Variants in FCHSD2 observed in about 807,000 individuals in gnomAD.
FCHSD2 encodes FCH and double SH3 domains 2.
A neutral mutation model predicts 108.1 loss-of-function variants in FCHSD2; 38 were observed. The observed-to-expected ratio is 0.35, with a 90% CI of 0.27 to 0.46. FCHSD2 has a LOEUF of 0.46. Among genes scored for constraint, FCHSD2 ranks in the 20% least tolerant of loss-of-function variants. The pLI, the probability that FCHSD2 is intolerant of heterozygous loss-of-function variation, is 1.00. For missense variants in FCHSD2, 751 were observed against 897.8 expected (o/e 0.84, Z 2.09); for synonymous variants, 279 against 314.7 (o/e 0.89, Z 1.20).
At chr11:72,993,868 T>C (rs186791855) in intron 5 of FCHSD2, among the ~76,000 whole-genome samples, 249 of 152,246 alleles carry the variant, frequency 1.6e-3, no homozygotes, top group Non-Finnish European at 2.7e-3. Flanking sequence ...GTAACTAACC[T>C]GCACGTTGTG....
intron 12 of FCHSD2, among the ~76,000 whole-genome samples, chr11:72,879,362 A>G (rs921587871): frequency 2.0e-5 from 3 of 152,226 alleles, no homozygotes; most frequent in Non-Finnish European, 4.4e-5. Context: ...CTTAATAACC[A>G]AACAGTCACT....
chr11:72,973,271 G>A (rs920610592), intron 8 of FCHSD2, among the ~76,000 whole-genome samples: 2 of 151,962 alleles, frequency 1.3e-5, no homozygotes, highest in African/African-American at 4.8e-5. Context: ...GGAGGCTGAG[G>A]CAGGAGAATC....
At chr11:72,873,911 A>T (rs1013001267) in intron 12 of FCHSD2, among the ~76,000 whole-genome samples, 1 of 152,194 alleles carries the variant, frequency 6.6e-6, no homozygotes, top group Non-Finnish European at 1.5e-5. Context: ...CCTTCTAACT[A>T]GAAACCTTCC....
At chr11:73,115,450 C>T (rs1399708723) in intron 2 of FCHSD2, among the ~76,000 whole-genome samples, 1 of 152,290 alleles carries the variant, frequency 6.6e-6, no homozygotes. Flanking sequence ...GCCACTGCGC[C>T]CGCCCTATCT....
chr11:72,916,724 CTCA>C (rs1452725309), intron 9 of FCHSD2, among the ~76,000 whole-genome samples: 2 of 152,186 alleles, frequency 1.3e-5, no homozygotes, highest in African/African-American at 2.4e-5. Flanking sequence ...AATATTTTCT[CTCA>C]TCATTTGGGT....
At chr11:72,957,986 T>C (rs1458126330) in intron 8 of FCHSD2, among the ~76,000 whole-genome samples, 4 of 152,234 alleles carry the variant, frequency 2.6e-5, no homozygotes, top group Non-Finnish European at 5.9e-5. Context: ...TTCATTTCTA[T>C]TGAATGATAA....
At position 72,989,059 on chromosome 11, in the gene FCHSD2, T is replaced by C; in HGVS notation, c.426A>G (p.Gln142=). ...CTTTAGCTAAATCTTTCACTGTCTC[T>C]TGTAATTCAGTTTGGATCTTTGTCA... ...DQLTKIQTEL[Q]ETVKDLAKGK... Residue 142 remains glutamine, a synonymous_variant, in exon 6 of 20, where the codon CAA becomes CAG. Transcript: ENST00000409418. The C allele has an allele frequency of 1.2e-6, 2 of 1,609,140 alleles. No individual in the cohort carries two copies. The highest frequency in any genetic ancestry group is 2.2e-5 in the East Asian group (1 of 44,852).
chr11:73,005,113 C>T (rs1857712199), intron 4 of FCHSD2, among the ~76,000 whole-genome samples: 1 of 152,222 alleles, frequency 6.6e-6, no homozygotes, highest in South Asian at 2.1e-4. Flanking sequence ...TTTTCCATCT[C>T]TACTGGAGCA....
intron 2 of FCHSD2, among the ~76,000 whole-genome samples, chr11:73,110,837 G>A (rs554341708): frequency 7.9e-5 from 12 of 151,986 alleles, no homozygotes; most frequent in South Asian, 2.1e-4. Flanking sequence ...TACTGCTGTC[G>A]TTGTATCTCA....
rs1857862363 is a variant in FCHSD2 at position 73,011,450 on chromosome 11, C to G, written c.242+4359G>C. ...CCCCAGCAGCACTTACACTGCTAAC[C>G]TAACAGTGTTAACCCACAGCTTGGC... On this transcript the variant is annotated intron_variant, in intron 4 of 19. Coordinates refer to ENST00000409418, the MANE Select transcript of FCHSD2 (RefSeq NM_014824.3). 2.0e-5 allele frequency among the ~76,000 whole-genome samples: 3 copies of G among 152,246 alleles called. No homozygotes were observed. The South Asian group carries it at 6.2e-4, about 31-fold the overall frequency.
intron 10 of FCHSD2, among the ~76,000 whole-genome samples, chr11:72,896,290 C>T (rs1299115902): frequency 6.6e-6 from 1 of 152,110 alleles, no homozygotes; most frequent in African/African-American, 2.4e-5. Context: ...ATTCTCATTC[C>T]GACTGGGAAA....
chr11:72,859,691 A>C (rs1274923843), intron 13 of FCHSD2, among the ~76,000 whole-genome samples: 1 of 152,148 alleles, frequency 6.6e-6, no homozygotes, highest in East Asian at 1.9e-4. Context: ...AACTTAGGAA[A>C]TCTGCAGAGG....
chr11:73,066,644 G>GA (rs1020315103), intron 3 of FCHSD2, among the ~76,000 whole-genome samples: 36 of 144,432 alleles, frequency 2.5e-4, no homozygotes, highest in East Asian at 8.1e-4. Flanking sequence ...AAATTTACAA[G>GA]AAAAAAAAAA....
intron 2 of FCHSD2, among the ~76,000 whole-genome samples, chr11:73,119,187 A>G (rs898273496): frequency 3.0e-4 from 46 of 151,940 alleles, no homozygotes; most frequent in African/African-American, 1.0e-3. Context: ...CTGTAGTCCC[A>G]GCTACTCGGG....
chr11:73,028,919 C>T (rs188485147), intron 3 of FCHSD2, among the ~76,000 whole-genome samples: 480 of 152,270 alleles, frequency 3.2e-3, no homozygotes, highest in Middle Eastern at 6.8e-3. Flanking sequence ...CCTGAAGGCT[C>T]CCAAGCCACG....
At chr11:73,111,048 TC>T (rs753363545) in intron 2 of FCHSD2, among the ~76,000 whole-genome samples, 16 of 152,210 alleles carry the variant, frequency 1.1e-4, no homozygotes, top group Admixed American at 6.5e-5. Flanking sequence ...TGCTATTATT[TC>T]AGGGGTTTTT....
At chr11:73,128,598 G>A (rs1215036196) in intron 2 of FCHSD2, among the ~76,000 whole-genome samples, 6 of 152,144 alleles carry the variant, frequency 3.9e-5, no homozygotes, top group Admixed American at 2.0e-4. Context: ...GAGGGAGAAA[G>A]GTAGGAAAAA....
chr11:73,050,861 C>T (rs1478696860), intron 3 of FCHSD2, among the ~76,000 whole-genome samples: 1 of 152,180 alleles, frequency 6.6e-6, no homozygotes, highest in Non-Finnish European at 1.5e-5. Context: ...CAGAACACCC[C>T]TTCTTGCTAC....
intron 10 of FCHSD2, among the ~76,000 whole-genome samples, chr11:72,897,811 T>A (rs774364907): frequency 6.6e-6 from 1 of 152,146 alleles, no homozygotes; most frequent in Non-Finnish European, 1.5e-5. Flanking sequence ...ATTCTTATTA[T>A]AGACAGGAAG....
Sources: gnomAD v4.1 joint callset for allele counts (sites outside exome capture counted in the v4.1 genomes callset) on GRCh38, gnomAD v4.1.1 for gene constraint, MANE v1.5 for transcripts, NCBI Gene and HGNC (gene_info 2026-07-23, HGNC 2026-07-21) for gene names.